The following PDE8A variants were observed in gnomAD, a reference collection of about 807,000 sequenced individuals.
PDE8A encodes the protein high affinity cAMP-specific and IBMX-insensitive 3',5'-cyclic phosphodiesterase 8A.
PDE8A carries 59 observed loss-of-function variants against 105.0 expected under a neutral mutation model. That is an observed-to-expected ratio of 0.56 (90% CI 0.46 to 0.70). PDE8A has a LOEUF of 0.70. Among genes scored for constraint, PDE8A ranks in the 30% least tolerant of loss-of-function variants. PDE8A has a pLI of 0.00. For synonymous variants in PDE8A, 355 were observed against 371.9 expected, an observed-to-expected ratio of 0.95 and a Z score of 0.52; for missense variants, 1,014 against 1,045.9, an observed-to-expected ratio of 0.97 and a Z score of 0.42.
chr15:85,098,185 G>A, intron 9 of PDE8A, 149 bp downstream of exon 9: 1 of 646,464 alleles, frequency 1.5e-6, no homozygotes, highest in South Asian at 1.8e-5. Flanking sequence ...TGTTTTCTTG[G>A]TGACTTCCTC....
At chr15:85,101,668 GAGA>G (rs562510420) in intron 11 of PDE8A, among the ~76,000 whole-genome samples, 3 of 152,208 alleles carry the variant, frequency 2.0e-5, no homozygotes, top group Non-Finnish European at 4.4e-5. Context: ...AGACACCAGA[GAGA>G]AGAATACCAG....
chr15:85,000,600 C>T (rs1415444512), intron 1 of PDE8A, among the ~76,000 whole-genome samples: 1 of 152,190 alleles, frequency 6.6e-6, no homozygotes, highest in Non-Finnish European at 1.5e-5. Flanking sequence ...CCTTGTTCTT[C>T]CAGTGTGCAG....
chr15:85,015,276 G>C (rs1331467746), intron 1 of PDE8A, among the ~76,000 whole-genome samples: 2 of 150,942 alleles, frequency 1.3e-5, no homozygotes, highest in Non-Finnish European at 2.9e-5. Context: ...GCCCAGGCTA[G>C]AGAGCAGTGG....
intron 5 of PDE8A, among the ~76,000 whole-genome samples, chr15:85,083,217 A>T (rs2081495113): frequency 6.6e-6 from 1 of 152,218 alleles, no homozygotes; most frequent in African/African-American, 2.4e-5. Flanking sequence ...ACTTTAGTTA[A>T]TGAATTTCCT....
At chr15:85,099,147 C>A (rs2141559746) in intron 9 of PDE8A, among the ~76,000 whole-genome samples, 1 of 152,320 alleles carries the variant, frequency 6.6e-6, no homozygotes, top group South Asian at 2.1e-4. Flanking sequence ...CCCTTCCTGG[C>A]CAGTTCTCAA....
In PDE8A at chr15:85,098,043, G is replaced by A. The variant is rs745549701; in HGVS notation, c.941+7G>A. ...CTGTCATTGGACAGGGAGGGTAAGT[G>A]GAAAAAACAAGTACATCAATCAACA... On this transcript the variant is annotated splice_region_variant and intron_variant, in intron 9 of 21. Coordinates refer to ENST00000394553, the MANE Select transcript of PDE8A (RefSeq NM_002605.3). The A allele has an allele frequency of 2.5e-5, 37 of 1,497,464 alleles. No homozygotes were observed. The highest frequency in any genetic ancestry group is 3.3e-5 in the Non-Finnish European group (35 of 1,076,308). The allele number at this position is 1,497,464 out of a possible 1,614,324, so 92.8% of individuals were successfully genotyped here.
chr15:85,082,248 G>A (rs563198663), intron 5 of PDE8A, among the ~76,000 whole-genome samples: 1 of 152,282 alleles, frequency 6.6e-6, no homozygotes, highest in Non-Finnish European at 1.5e-5. Flanking sequence ...GGGTAAGAAA[G>A]GGGCTCTGTT....
At chr15:85,047,397 G>T (rs1039147516) in intron 1 of PDE8A, among the ~76,000 whole-genome samples, 18 of 152,246 alleles carry the variant, frequency 1.2e-4, no homozygotes, top group East Asian at 1.9e-4. Context: ...TGGTTATTTT[G>T]GGGGGAGCAG....
rs2080077744 is a variant in PDE8A, at chr15:85,002,181, C to A, written c.186+19833C>A. Among the ~76,000 whole-genome samples the A allele has an allele frequency of 4.0e-5, 6 of 151,680 alleles. No individual in the cohort carries two copies. In the South Asian group the frequency reaches 1.2e-3, roughly 32 times the overall value. On this transcript the variant is annotated intron_variant, in intron 1 of 21. Transcript: ENST00000394553. ...TAGACCCCCCAGGTTAAGGAGGCTG[C>A]CCCCCCAGTTCAGATGCCAATCGAA...
intron 11 of PDE8A, among the ~76,000 whole-genome samples, chr15:85,104,079 G>A (rs780194003): frequency 1.5e-4 from 23 of 152,200 alleles, no homozygotes; most frequent in African/African-American, 3.4e-4. Flanking sequence ...TTGTTTTCAC[G>A]TGACACTGTC....
At chr15:85,024,607 C>G (rs2080483393) in intron 1 of PDE8A, among the ~76,000 whole-genome samples, 1 of 151,824 alleles carries the variant, frequency 6.6e-6, no homozygotes, top group Admixed American at 6.6e-5. Flanking sequence ...GTTACATTAA[C>G]TTCCCTTTTG....
chr15:85,102,365 C>T (rs1473845393), intron 11 of PDE8A, among the ~76,000 whole-genome samples: 1 of 152,060 alleles, frequency 6.6e-6, no homozygotes, highest in Non-Finnish European at 1.5e-5. Context: ...TTCAAGAGCT[C>T]GTGTGTGACC....
At chr15:84,997,168 A>G (rs1356149996) in intron 1 of PDE8A, among the ~76,000 whole-genome samples, 5 of 152,014 alleles carry the variant, frequency 3.3e-5, no homozygotes, top group African/African-American at 1.2e-4. Context: ...TTCTTCACAT[A>G]CTTACTCTAT....
intron 1 of PDE8A, among the ~76,000 whole-genome samples, chr15:85,025,972 A>G (rs897036975): frequency 6.6e-6 from 1 of 152,186 alleles, no homozygotes; most frequent in East Asian, 1.9e-4. Flanking sequence ...CCTAGTTGCA[A>G]AAATTTCAAC....
chr15:85,024,647 A>G (rs1403150180), intron 1 of PDE8A, among the ~76,000 whole-genome samples: 1 of 152,158 alleles, frequency 6.6e-6, no homozygotes, highest in Admixed American at 6.5e-5. Context: ...GAGGGGGTCA[A>G]AAGAAACTTC....
chr15:85,066,570 A>G (rs2081228336), intron 2 of PDE8A, among the ~76,000 whole-genome samples: 1 of 133,458 alleles, frequency 7.5e-6, no homozygotes, highest in Non-Finnish European at 1.6e-5. Flanking sequence ...TTGCCCACCC[A>G]CCATCCCCCC....
At chr15:84,987,208 A>G (rs527671221) in intron 1 of PDE8A, among the ~76,000 whole-genome samples, 4 of 152,200 alleles carry the variant, frequency 2.6e-5, no homozygotes, top group Non-Finnish European at 5.9e-5. Context: ...TTCCTTTTAC[A>G]TACATAAAAT....
intron 1 of PDE8A, among the ~76,000 whole-genome samples, chr15:84,998,622 TGTAGTCAGTAA>T (rs2080017324): frequency 6.6e-6 from 1 of 152,238 alleles, no homozygotes; most frequent in African/African-American, 2.4e-5. Context: ...TTTATCAATA[TGTAGTCAGTAA>T]CTGTATTTTT....
At chr15:85,047,052 A>G (rs2080898422) in intron 1 of PDE8A, among the ~76,000 whole-genome samples, 1 of 152,224 alleles carries the variant, frequency 6.6e-6, no homozygotes, top group Non-Finnish European at 1.5e-5. Flanking sequence ...ATAATTACTG[A>G]TATCAGCTAT....
Sources: allele counts gnomAD v4.1 joint callset (sites outside exome capture counted in the v4.1 genomes callset), GRCh38; gene constraint gnomAD v4.1.1; transcripts MANE v1.5; gene names NCBI Gene and HGNC (gene_info 2026-07-23, HGNC 2026-07-21).